The following RYR2 variants were observed in gnomAD, a reference collection of about 807,000 sequenced individuals.
RYR2 encodes cardiac muscle ryanodine receptor-calcium release channel.
A neutral mutation model predicts 601.1 loss-of-function variants in RYR2; 227 were observed. That is an observed-to-expected ratio of 0.38 (90% CI 0.34 to 0.42). The LOEUF is 0.42. RYR2 is among the 10% of genes least tolerant of loss of function. RYR2 has a pLI of 1.00. For missense variants in RYR2, 4,646 were observed against 6,156.5 expected, an observed-to-expected ratio of 0.75 and a Z score of 8.21; for synonymous variants, 2,223 against 2,175.1, an observed-to-expected ratio of 1.02 and a Z score of -0.61.
In RYR2 at chr1:237,077,805, C is replaced by A. The variant is rs555156269; in HGVS notation, c.48+35236C>A. On this transcript the variant is annotated intron_variant, in intron 1 of 104. Coordinates refer to ENST00000366574, the MANE Select transcript of RYR2 (RefSeq NM_001035.3). ...TAGACATCTACAGAACCATCCACCC[C>A]AAATCAACAGAATATACATTTTTTT... Among the ~76,000 whole-genome samples, 61 of 152,286 alleles carry A rather than the reference C, an allele frequency of 4.0e-4. No individual in the cohort carries two copies. The South Asian group carries it at 0.012, about 31-fold the overall frequency.
chr1:237,150,548 C>A (rs1283805432), intron 1 of RYR2, among the ~76,000 whole-genome samples: 2 of 152,044 alleles, frequency 1.3e-5, no homozygotes, highest in African/African-American at 4.8e-5. Flanking sequence ...TTGAAAAGAA[C>A]TGAAAACAAT....
intron 1 of RYR2, among the ~76,000 whole-genome samples, chr1:237,189,879 A>ATTTTTATT (rs553470860): frequency 9.3e-6 from 1 of 107,734 alleles, no homozygotes; most frequent in Non-Finnish European, 2.3e-5. Context: ...TTTTATTTTT[A>ATTTTTATT]TTTTTTTTTT....
At chr1:237,167,337 G>T (rs1676820452) in intron 1 of RYR2, among the ~76,000 whole-genome samples, 1 of 152,130 alleles carries the variant, frequency 6.6e-6, no homozygotes, top group African/African-American at 2.4e-5. Context: ...TCACATACTG[G>T]CTAGATAGAG....
intron 21 of RYR2, among the ~76,000 whole-genome samples, chr1:237,501,492 C>G (rs1195476488): frequency 6.6e-6 from 1 of 152,128 alleles, no homozygotes; most frequent in South Asian, 2.1e-4. Flanking sequence ...AAGTGATAAT[C>G]CATTGTAGTT....
chr1:237,819,342 C>CTA lies in RYR2; in HGVS notation c.14590+151_14590+152dup. On this transcript the variant is annotated intron_variant, in intron 101 of 104. Transcript: ENST00000366574. This position sits in a 1 kb window ranked among gnomAD's most constrained non-coding sequence, Gnocchi z 4.0. ...TTCCAGTATTTCTTCATCATGCAAT[C>CTA]TACCGGGGGAAATATAAAGCGGTAT... 1 of 728,060 alleles carries CTA rather than the reference C, an allele frequency of 1.4e-6. No homozygotes were observed. Among genetic ancestry groups the CTA allele is most frequent in the Non-Finnish European group, 2.3e-6 (1 of 431,286 alleles). 45.1% of individuals were successfully genotyped at this position (728,060 alleles called of 1,614,324 possible). A position where few individuals can be genotyped will look rare whatever the true frequency, so the allele number is the denominator to read the frequency against.
chr1:237,424,693 C>G (rs1210219967), intron 12 of RYR2, among the ~76,000 whole-genome samples: 2 of 152,154 alleles, frequency 1.3e-5, no homozygotes, highest in African/African-American at 4.8e-5. Flanking sequence ...CAAGCATTAA[C>G]AAATGATTAT....
At chr1:237,344,449 A>G (rs1247870935) in intron 3 of RYR2, among the ~76,000 whole-genome samples, 2 of 152,166 alleles carry the variant, frequency 1.3e-5, no homozygotes, top group Non-Finnish European at 2.9e-5. Flanking sequence ...CACTCCCTGA[A>G]TATGCTACAC....
intron 56 of RYR2, among the ~76,000 whole-genome samples, chr1:237,664,782 A>G (rs1684147050): frequency 6.6e-6 from 1 of 152,206 alleles, no homozygotes; most frequent in Non-Finnish European, 1.5e-5. Context: ...CCCCAAATCA[A>G]TAGCTGTGTT....
At chr1:237,141,089 G>A (rs760815784) in intron 1 of RYR2, among the ~76,000 whole-genome samples, 2 of 152,178 alleles carry the variant, frequency 1.3e-5, no homozygotes, top group East Asian at 1.9e-4. Context: ...TGTGAGAACA[G>A]CTTCTGGATG....
intron 58 of RYR2, among the ~76,000 whole-genome samples, chr1:237,670,149 C>T (rs1381419962): frequency 6.6e-5 from 10 of 151,708 alleles, no homozygotes; most frequent in Admixed American, 4.6e-4. Flanking sequence ...ACCAGTCAGG[C>T]GTGGCGGCGC....
At chr1:237,510,217 T>C (rs1205577664) in intron 23 of RYR2, among the ~76,000 whole-genome samples, 1 of 152,080 alleles carries the variant, frequency 6.6e-6, no homozygotes, top group Admixed American at 6.5e-5. Context: ...GCAGTGGGGA[T>C]AGAGAGACGT....
chr1:237,827,367 G>T (rs1663216539), intron 101 of RYR2, among the ~76,000 whole-genome samples: 1 of 152,122 alleles, frequency 6.6e-6, no homozygotes, highest in Non-Finnish European at 1.5e-5. Context: ...TGGCACCATG[G>T]CTCATGCCTG....
intron 2 of RYR2, among the ~76,000 whole-genome samples, chr1:237,284,203 A>G (rs1242277836): frequency 6.6e-6 from 1 of 151,866 alleles, no homozygotes; most frequent in African/African-American, 2.4e-5. Flanking sequence ...GCCAACATGG[A>G]GAAACCCCAT....
In RYR2 at chr1:237,717,209, T is replaced by C. The variant is rs769904081; in HGVS notation, c.10335T>C (p.Ser3445=). The C allele has an allele frequency of 1.2e-6, 2 of 1,613,560 alleles. No homozygotes were observed. The highest frequency in any genetic ancestry group is 2.2e-5 in the East Asian group (1 of 44,878). ...TKSKMSKAAV[S]DQERKKMKRK... ...TCTTTGTTCCATAGGCAGCTGTTTC[T>C]GATCAGGAAAGGAAGAAAATGAAGC... is the stretch of plus-strand genomic sequence containing the variant. Residue 3445 remains serine (S), a synonymous_variant, in exon 72 of 105, where the codon TCT becomes TCC. Coordinates refer to ENST00000366574, the MANE Select transcript of RYR2 (RefSeq NM_001035.3).
chr1:237,141,218 G>A (rs1330906911), intron 1 of RYR2, among the ~76,000 whole-genome samples: 3 of 152,156 alleles, frequency 2.0e-5, no homozygotes, highest in Non-Finnish European at 2.9e-5. Flanking sequence ...GTTGGTAGGT[G>A]TCCATGTCTC....
intron 8 of RYR2, among the ~76,000 whole-genome samples, chr1:237,383,414 CTTGTTTTTT>C (rs1701701497): frequency 3.1e-5 from 2 of 64,788 alleles, no homozygotes; most frequent in African/African-American, 5.4e-5. Flanking sequence ...TTTCTTTTTT[CTTGTTTTTT>C]TTTTTTTTTT....
At chr1:237,152,361 A>G (rs1674811985) in intron 1 of RYR2, among the ~76,000 whole-genome samples, 1 of 152,172 alleles carries the variant, frequency 6.6e-6, no homozygotes, top group South Asian at 2.1e-4. Flanking sequence ...TTCCTTTGGT[A>G]TATACCCAGT....
At chr1:237,335,571 T>A (rs1178672857) in intron 3 of RYR2, among the ~76,000 whole-genome samples, 1 of 152,198 alleles carries the variant, frequency 6.6e-6, no homozygotes. Context: ...AAAATACACG[T>A]TGAGTGTCCT....
At chr1:237,222,848 C>T (rs1683969329) in intron 1 of RYR2, among the ~76,000 whole-genome samples, 1 of 152,026 alleles carries the variant, frequency 6.6e-6, no homozygotes. Context: ...GGAGGATTAC[C>T]TGAGGTCAGA....
Sources: gnomAD v4.1 joint callset for allele counts (sites outside exome capture counted in the v4.1 genomes callset) on GRCh38, gnomAD v4.1.1 for gene constraint, Gnocchi (gnomAD v3.1) non-coding constraint, MANE v1.5 for transcripts, NCBI Gene and HGNC (gene_info 2026-07-23, HGNC 2026-07-21) for gene names.